The following PTPRK variants were observed in gnomAD, a reference collection of about 807,000 sequenced individuals.
PTPRK encodes protein tyrosine phosphatase receptor type K, also known as receptor-type tyrosine-protein phosphatase kappa.
Under a neutral mutation model 178.0 loss-of-function variants are expected in PTPRK, and 75 were observed. The ratio of observed to expected loss-of-function variants is 0.42; its 90% CI spans 0.35 to 0.51. The LOEUF is 0.51. Among genes scored for constraint, PTPRK ranks in the 20% least tolerant of loss-of-function variants. PTPRK has a pLI of 0.02. For missense variants in PTPRK, 1,441 were observed against 1,797.8 expected (o/e 0.80, Z 3.59); for synonymous variants, 637 against 620.6 (o/e 1.03, Z -0.39).
rs1017231557 is a variant in PTPRK at position 128,193,366 on chromosome 6, A to G, written c.869-8641T>C. On this transcript the variant is annotated intron_variant, in intron 6 of 29. Coordinates refer to ENST00000368226, the MANE Select transcript of PTPRK (RefSeq NM_002844.4). Reference sequence around the variant, plus strand: ...TTTTCTACAAATCACATCAATTAAAATGTTTTAAGTATTTTCCATGTGAAG... The same window carrying G: ...TTTTCTACAAATCACATCAATTAAAGTGTTTTAAGTATTTTCCATGTGAAG... Among the ~76,000 whole-genome samples the G allele has an allele frequency of 4.6e-5, 7 of 151,720 alleles. No homozygotes were observed. In the East Asian group the frequency reaches 1.2e-3, roughly 25 times the overall value.
intron 3 of PTPRK, among the ~76,000 whole-genome samples, chr6:128,263,506 C>T (rs924930856): frequency 6.6e-6 from 1 of 152,116 alleles, no homozygotes; most frequent in Non-Finnish European, 1.5e-5. Flanking sequence ...TGCAGTAGCA[C>T]ACCATTATAC....
intron 3 of PTPRK, among the ~76,000 whole-genome samples, chr6:128,248,461 G>A (rs1583688643): frequency 6.6e-6 from 1 of 152,062 alleles, no homozygotes; most frequent in Non-Finnish European, 1.5e-5. Context: ...TGAGGACAGA[G>A]GGAAATGAAA....
At chr6:128,144,006 A>T (rs1240397934) in intron 7 of PTPRK, among the ~76,000 whole-genome samples, 1 of 152,098 alleles carries the variant, frequency 6.6e-6, no homozygotes, top group African/African-American at 2.4e-5. Flanking sequence ...ACTCTATTTT[A>T]TATCTCCTCT....
At chr6:128,040,302 T>A (rs986686354) in intron 13 of PTPRK, among the ~76,000 whole-genome samples, 10 of 152,178 alleles carry the variant, frequency 6.6e-5, no homozygotes, top group African/African-American at 2.2e-4. Context: ...TATTTTATTT[T>A]TTTTAAATAA....
At position 127,996,474 on chromosome 6, in the gene PTPRK, G is replaced by C. The variant is rs529199053; in HGVS notation, c.2767+427C>G. Among the ~76,000 whole-genome samples the C allele has an allele frequency of 9.2e-5, 14 of 152,036 alleles. 1 individual carries two copies. In the South Asian group the frequency reaches 2.9e-3, roughly 31 times the overall value. On this transcript the variant is annotated intron_variant, in intron 17 of 29. Coordinates refer to ENST00000368226, the MANE Select transcript of PTPRK (RefSeq NM_002844.4). ...CTAATAGCCAATGTTGTTTTTGTTT[G>C]TTGTTGTTGTTTTTTGAGACAGAGT...
intron 6 of PTPRK, among the ~76,000 whole-genome samples, chr6:128,217,644 A>C (rs1809586079): frequency 6.6e-6 from 1 of 152,228 alleles, no homozygotes; most frequent in African/African-American, 2.4e-5. Flanking sequence ...GATGCCAAGC[A>C]TTATAAAATA....
intron 1 of PTPRK, among the ~76,000 whole-genome samples, chr6:128,435,548 G>T (rs1185084355): frequency 6.6e-6 from 1 of 152,184 alleles, no homozygotes; most frequent in Non-Finnish European, 1.5e-5. Flanking sequence ...CAAAGACCAA[G>T]AGTCGCACAG....
At chr6:128,317,920 G>A (rs1384224893) in intron 3 of PTPRK, among the ~76,000 whole-genome samples, 1 of 152,130 alleles carries the variant, frequency 6.6e-6, no homozygotes, top group Non-Finnish European at 1.5e-5. Context: ...CTGCCACTAT[G>A]GAAGAAAGCT....
chr6:128,468,378 T>C lies in PTPRK; in HGVS notation c.100+51881A>G, dbSNP rs370716830. 4.6e-5 allele frequency among the ~76,000 whole-genome samples: 7 copies of C among 152,306 alleles called. No individual in the cohort carries two copies. The East Asian group carries it at 5.8e-4, about 13-fold the overall frequency. On this transcript the variant is annotated intron_variant, in intron 1 of 29. Transcript: ENST00000368226. ...ACACAAATCCTGAATTTCAAGTTTT[T>C]AGTTAAATAAACTCTTCAATGGAAG... is the stretch of plus-strand genomic sequence containing the variant.
At chr6:128,272,655 T>C (rs1820040620) in intron 3 of PTPRK, among the ~76,000 whole-genome samples, 2 of 152,072 alleles carry the variant, frequency 1.3e-5, no homozygotes, top group Non-Finnish European at 2.9e-5. Flanking sequence ...AAAACCTCAA[T>C]GAGATGCCAT....
chr6:128,064,823 A>G (rs752579232), intron 12 of PTPRK, 29 bp from the exon 13 acceptor site: 10 of 1,570,348 alleles, frequency 6.4e-6, no homozygotes, highest in Non-Finnish European at 8.6e-6. Flanking sequence ...AAAAAAAAAG[A>G]GTCAATGTAC....
intron 5 of PTPRK, among the ~76,000 whole-genome samples, chr6:128,219,593 G>A (rs1318169772): frequency 6.6e-6 from 1 of 152,186 alleles, no homozygotes; most frequent in Non-Finnish European, 1.5e-5. Flanking sequence ...GGGGGTTGGG[G>A]ACCCCTGCTC....
intron 13 of PTPRK, among the ~76,000 whole-genome samples, chr6:128,045,512 A>G (rs896102900): frequency 1.2e-4 from 19 of 152,036 alleles, no homozygotes; most frequent in African/African-American, 4.3e-4. Flanking sequence ...CAGGAGCAAA[A>G]GCAAAGGCAG....
At chr6:128,040,548 G>C (rs1467345775) in intron 13 of PTPRK, among the ~76,000 whole-genome samples, 1 of 152,076 alleles carries the variant, frequency 6.6e-6, no homozygotes, top group East Asian at 1.9e-4. Flanking sequence ...AACAGCAGCA[G>C]CCAGCAATTA....
intron 2 of PTPRK, among the ~76,000 whole-genome samples, chr6:128,375,407 A>C (rs189449722): frequency 6.9e-6 from 1 of 145,282 alleles, no homozygotes; most frequent in South Asian, 2.2e-4. Flanking sequence ...CAACCTTTTT[A>C]AAAAAAAAAA....
intron 13 of PTPRK, among the ~76,000 whole-genome samples, chr6:128,034,219 G>A (rs1040534190): frequency 2.6e-4 from 40 of 152,146 alleles, no homozygotes; most frequent in African/African-American, 9.2e-4. Flanking sequence ...AGGGATTAAA[G>A]TCTAAACACC....
intron 13 of PTPRK, among the ~76,000 whole-genome samples, chr6:128,012,230 A>G (rs1218745285): frequency 2.0e-5 from 3 of 151,228 alleles, no homozygotes; most frequent in African/African-American, 4.8e-5. Context: ...ATGTCTGTAT[A>G]TATTTATTAG....
At chr6:128,393,605 G>A (rs1584505946) in intron 2 of PTPRK, among the ~76,000 whole-genome samples, 2 of 152,094 alleles carry the variant, frequency 1.3e-5, no homozygotes, top group African/African-American at 4.8e-5. Flanking sequence ...GAATGGATAA[G>A]CAGACAAAGA....
rs1296160311 is a variant in PTPRK at position 127,970,395 on chromosome 6, A to AT, written c.4270-116dup. ...TTAGATTACTCAAGGATTACAATTT[A>AT]TTTTTTCTATATATGAGATTAATAT... On this transcript the variant is annotated intron_variant, in intron 29 of 29. Transcript: ENST00000368226. The AT allele has an allele frequency of 8.6e-6, 6 of 697,996 alleles. No individual in the cohort carries two copies. The African/African-American group carries it at 1.1e-4, about 13-fold the overall frequency. The allele number at this position is 697,996 out of a possible 1,614,324, so 43.2% of individuals were successfully genotyped here.
Sources: allele counts gnomAD v4.1 joint callset (sites outside exome capture counted in the v4.1 genomes callset), GRCh38; gene constraint gnomAD v4.1.1; transcripts MANE v1.5; gene names NCBI Gene and HGNC (gene_info 2026-07-23, HGNC 2026-07-21).